SYTL3: variants seen among roughly 807,000 people sequenced by gnomAD.
SYTL3 encodes the protein synaptotagmin like 3, also known as synaptotagmin-like protein 3.
SYTL3 carries 88 observed loss-of-function variants against 82.1 expected under a neutral mutation model. That is an observed-to-expected ratio of 1.07 (90% CI 0.90 to 1.28). SYTL3 has a LOEUF of 1.28. Among genes scored for constraint, SYTL3 ranks in the 50% most tolerant of loss-of-function variants. The pLI is 0.00. For synonymous variants in SYTL3, 311 were observed against 289.4 expected, an observed-to-expected ratio of 1.07 and a Z score of -0.76; for missense variants, 831 against 757.6, an observed-to-expected ratio of 1.10 and a Z score of -1.14.
In SYTL3 at chr6:158,704,731, G is replaced by C. The variant is rs556926047; in HGVS notation, c.395-2499G>C. On this transcript the variant is annotated intron_variant, in intron 6 of 17. Coordinates refer to ENST00000611299, the MANE Select transcript of SYTL3 (RefSeq NM_001242394.2). ...AGTCACTGAAGGGTTCCAGGTGGTA[G>C]TGTGATAGCCTCAGATTCTCTAAGA... is the stretch of plus-strand genomic sequence containing the variant. Among the ~76,000 whole-genome samples the C allele has an allele frequency of 9.8e-5, 15 of 152,390 alleles. No individual in the cohort carries two copies. The South Asian group carries it at 2.9e-3, about 29-fold the overall frequency.
intron 8 of SYTL3, among the ~76,000 whole-genome samples, chr6:158,712,819 C>T (rs1283652574): frequency 6.8e-6 from 1 of 148,058 alleles, no homozygotes; most frequent in African/African-American, 2.5e-5. Flanking sequence ...AGACCAGTGG[C>T]GTGATCTCGA....
rs1270317497 is a variant in SYTL3, at chr6:158,713,793, G to A, written c.517-7G>A. 3 of 1,541,720 alleles carry A rather than the reference G, an allele frequency of 1.9e-6. No individual in the cohort carries two copies. Among genetic ancestry groups the A allele is most frequent in the Middle Eastern group, 1.7e-4 (1 of 5,980 alleles). ...ATTCTCATTCTCTCCTTCTGTCTCT[G>A]TTTTAGTTACAGGAATTTGGTCAGT... On this transcript the variant is annotated splice_region_variant and splice_polypyrimidine_tract_variant and intron_variant, in intron 8 of 17. Coordinates refer to ENST00000611299, the MANE Select transcript of SYTL3 (RefSeq NM_001242394.2).
intron 11 of SYTL3, among the ~76,000 whole-genome samples, chr6:158,741,643 C>A (rs576659294): frequency 2.6e-5 from 4 of 152,290 alleles, no homozygotes; most frequent in African/African-American, 9.6e-5. Context: ...CTCAGTCCAA[C>A]CACTAAGCTG....
At chr6:158,723,534 T>C (rs1054632092) in intron 10 of SYTL3, among the ~76,000 whole-genome samples, 3 of 152,110 alleles carry the variant, frequency 2.0e-5, no homozygotes, top group Admixed American at 6.5e-5. Flanking sequence ...AAATGTTTAT[T>C]ATAGTAAAAT....
chr6:158,694,511 T>C (rs1227919811), intron 6 of SYTL3, among the ~76,000 whole-genome samples: 1 of 151,932 alleles, frequency 6.6e-6, no homozygotes, highest in Non-Finnish European at 1.5e-5. Flanking sequence ...CCCAGGCTGG[T>C]CCTGAACTCC....
At chr6:158,704,379 C>T (rs922132115) in intron 6 of SYTL3, among the ~76,000 whole-genome samples, 2 of 152,240 alleles carry the variant, frequency 1.3e-5, no homozygotes, top group African/African-American at 4.8e-5. Flanking sequence ...CGGCAGGGGG[C>T]AGCAGAAAGC....
intron 15 of SYTL3, 103 bp from the exon 16 acceptor site, chr6:158,761,973 T>C: frequency 2.6e-6 from 2 of 770,356 alleles, no homozygotes; most frequent in Non-Finnish European, 4.4e-6. Context: ...GTCTGAGGGC[T>C]GTAGCAGATT....
intron 10 of SYTL3, 66 bp from the exon 11 acceptor site, chr6:158,725,437 C>T (rs1228975961): frequency 6.4e-7 from 1 of 1,570,776 alleles, no homozygotes; most frequent in African/African-American, 1.4e-5. Context: ...GCTGAAGTCA[C>T]CACATTTGAA....
intron 5 of SYTL3, among the ~76,000 whole-genome samples, chr6:158,666,613 C>G (rs1790090582): frequency 6.6e-6 from 1 of 152,136 alleles, no homozygotes; most frequent in Non-Finnish European, 1.5e-5. Context: ...CATCAGAGAC[C>G]CTGAGATTTG....
At chr6:158,667,767 C>T (rs902871295) in intron 5 of SYTL3, among the ~76,000 whole-genome samples, 1 of 152,150 alleles carries the variant, frequency 6.6e-6, no homozygotes, top group African/African-American at 2.4e-5. Flanking sequence ...AACCAACCAA[C>T]CAACTCGCAG....
chr6:158,731,173 A>T (rs901420015), intron 11 of SYTL3, among the ~76,000 whole-genome samples: 1 of 151,330 alleles, frequency 6.6e-6, no homozygotes, highest in African/African-American at 2.4e-5. Flanking sequence ...AATCCCAGCT[A>T]CTCGGGAGGC....
intron 11 of SYTL3, among the ~76,000 whole-genome samples, chr6:158,731,006 C>T (rs867122250): frequency 1.3e-5 from 2 of 152,160 alleles, no homozygotes; most frequent in Non-Finnish European, 2.9e-5. Flanking sequence ...ATATTCGGGC[C>T]GGGCGTGGTG....
In SYTL3 at chr6:158,665,530, C is replaced by A. The variant is rs1177745896; in HGVS notation, c.246C>A (p.Gly82=). Residue 82 remains glycine, a synonymous_variant, in exon 5 of 18, where the codon GGC becomes GGA. Coordinates refer to ENST00000611299, the MANE Select transcript of SYTL3 (RefSeq NM_001242394.2). ...FLLHRGAVCR[G]CSHRVCAQCR... is the part of the protein sequence containing the mutation. The stretch of plus-strand genomic sequence containing the variant: ...TGCACCGGGGCGCCGTGTGCCGGGG[C>A]TGCAGCCACCGCGTGTGTGCCCAGT... 5 of 1,590,574 alleles carry A rather than the reference C, an allele frequency of 3.1e-6. No individual in the cohort carries two copies. In the South Asian group the frequency reaches 5.7e-5, roughly 18 times the overall value.
At chr6:158,696,052 G>A (rs1021093037) in intron 6 of SYTL3, among the ~76,000 whole-genome samples, 5 of 152,176 alleles carry the variant, frequency 3.3e-5, no homozygotes, top group Non-Finnish European at 7.3e-5. Flanking sequence ...CTCAGAAGTG[G>A]AATTACTGGA....
At chr6:158,746,453 A>ATTAT (rs1554263746) in intron 12 of SYTL3, among the ~76,000 whole-genome samples, 5,577 of 99,324 alleles carry the variant, frequency 0.056, 268 homozygotes, top group African/African-American at 0.13. Flanking sequence ...AATAATAATA[A>ATTAT]TAATAATATT....
chr6:158,719,676 GA>G (rs1783841513), intron 10 of SYTL3, among the ~76,000 whole-genome samples: 1 of 152,236 alleles, frequency 6.6e-6, no homozygotes, highest in African/African-American at 2.4e-5. Flanking sequence ...GAAACAGGTG[GA>G]GGGGAGGGTT....
intron 12 of SYTL3, among the ~76,000 whole-genome samples, chr6:158,747,188 T>G (rs575216488): frequency 6.6e-6 from 1 of 152,106 alleles, no homozygotes; most frequent in South Asian, 2.1e-4. Flanking sequence ...GGTTTCCCCG[T>G]GTTGGCCAGG....
At chr6:158,712,721 G>T (rs888930332) in intron 8 of SYTL3, among the ~76,000 whole-genome samples, 9 of 151,466 alleles carry the variant, frequency 5.9e-5, no homozygotes, top group Non-Finnish European at 8.8e-5. Flanking sequence ...GCTGATAAGA[G>T]AGAAGAATCA....
intron 17 of SYTL3, 140 bp from the exon 18 acceptor site, chr6:158,764,355 C>T (rs183317035): frequency 6.1e-5 from 38 of 620,914 alleles, no homozygotes; most frequent in African/African-American, 9.1e-5. Context: ...GTGGTGGTGG[C>T]GGCGTCTGTC....
Sources: allele counts gnomAD v4.1 joint callset (sites outside exome capture counted in the v4.1 genomes callset), GRCh38; gene constraint gnomAD v4.1.1; transcripts MANE v1.5; gene names NCBI Gene and HGNC (gene_info 2026-07-23, HGNC 2026-07-21).